Variants in GPRC6A observed in about 807,000 individuals in gnomAD.
GPRC6A encodes the protein G protein-coupled receptor class C group 6 member A.
A neutral mutation model predicts 47.0 loss-of-function variants in GPRC6A; 54 were observed. That is an observed-to-expected ratio of 1.15 (90% CI 0.92 to 1.44). The LOEUF (loss-of-function observed/expected upper bound fraction) is 1.44. Among genes scored for constraint, GPRC6A ranks in the 40% most tolerant of loss-of-function variants. The pLI is 0.00. For missense variants in GPRC6A, 1,112 were observed against 1,105.5 expected (o/e 1.01, Z -0.08); for synonymous variants, 347 against 377.1 (o/e 0.92, Z 0.93).
At chr6:116,796,762 A>T (rs940221349) in intron 4 of GPRC6A, among the ~76,000 whole-genome samples, 4 of 152,162 alleles carry the variant, frequency 2.6e-5, no homozygotes, top group Non-Finnish European at 1.5e-5. Context: ...TCTTCTCTCC[A>T]GTTATTGCTG....
At chr6:116,809,287 A>C in intron 2 of GPRC6A, 27 bp downstream of exon 2, 4 of 1,574,728 alleles carry the variant, frequency 2.5e-6, no homozygotes, top group Non-Finnish European at 3.5e-6. Flanking sequence ...GATCAAAAGC[A>C]ATGTTTGGAG....
intron 3 of GPRC6A, 109 bp downstream of exon 3, chr6:116,806,261 A>C (rs1772832401): frequency 1.4e-6 from 1 of 703,228 alleles, no homozygotes; most frequent in African/African-American, 1.8e-5. Flanking sequence ...TCTATTTATA[A>C]AAGGAATAGG....
At chr6:116,827,757 C>A (rs958452613) in intron 1 of GPRC6A, among the ~76,000 whole-genome samples, 3 of 151,398 alleles carry the variant, frequency 2.0e-5, no homozygotes, top group African/African-American at 7.3e-5. Flanking sequence ...TTTTTTTTTA[C>A]CATTCTCTGG....
chr6:116,806,905 A>T lies in GPRC6A; in HGVS notation c.800T>A (p.Leu267Ter). The change falls in exon 3 of 6, where the codon TTA (leucine) becomes TAA (stop). Residue 267 changes from leucine to a stop codon, truncating the protein, a stop_gained. Transcript: ENST00000310357. LOFTEE classifies it high-confidence loss of function. ...RINRTLKKII[L>*]EAQVNVIVVF... ...CACAATGACATTAACCTGGGCTTCTAAAATGATTTTCTTCAGTGTCCGATT... is the reference window on the plus strand; with the variant it reads ...CACAATGACATTAACCTGGGCTTCTTAAATGATTTTCTTCAGTGTCCGATT... 1 of 1,613,754 alleles carries T rather than the reference A, an allele frequency of 6.2e-7. No homozygotes were observed. Among genetic ancestry groups the T allele is most frequent in the Non-Finnish European group, 8.5e-7 (1 of 1,179,810 alleles).
chr6:116,799,574 C>T (rs770995419), intron 4 of GPRC6A, among the ~76,000 whole-genome samples: 6 of 152,084 alleles, frequency 3.9e-5, no homozygotes, highest in Middle Eastern at 3.4e-3. Flanking sequence ...GAAACAATTT[C>T]GATGGATTGA....
At chr6:116,800,280 C>CCCTT (rs1347650547) in intron 4 of GPRC6A, among the ~76,000 whole-genome samples, 2 of 132,314 alleles carry the variant, frequency 1.5e-5, no homozygotes, top group African/African-American at 2.8e-5. Context: ...CTCCCTCCCT[C>CCCTT]CCTTCCTTCC....
chr6:116,818,343 G>T (rs528171278), intron 1 of GPRC6A, among the ~76,000 whole-genome samples: 2 of 150,040 alleles, frequency 1.3e-5, no homozygotes, highest in East Asian at 3.9e-4. Context: ...GACCATCCCG[G>T]CTAACACGGT....
chr6:116,812,899 C>T (rs377662290), intron 1 of GPRC6A, among the ~76,000 whole-genome samples: 207 of 152,340 alleles, frequency 1.4e-3, no homozygotes, highest in African/African-American at 4.8e-3. Flanking sequence ...TGATAAGCAA[C>T]TTCAGCAAAG....
At position 116,792,491 on chromosome 6, in the gene GPRC6A, G is replaced by A. The variant is rs777781673; in HGVS notation, c.2432C>T (p.Pro811Leu). The A allele has an allele frequency of 1.4e-5, 23 of 1,613,530 alleles. No homozygotes were observed. The highest frequency in any genetic ancestry group is 1.9e-5 in the Non-Finnish European group (22 of 1,179,680). ...TAATATGACAATAATCTCCACAGCT[G>A]GTACATATTTGCCAAATGTGGTAGC... ...IYATTFGKYV[P>L]AVEIIVILIS... The change falls in exon 6 of 6, where the codon CCA (proline) becomes CTA (leucine). Residue 811 changes from proline to leucine, a missense_variant. Physicochemically the swap from Pro to Leu is moderately conservative, Grantham distance 98. Transcript: ENST00000310357.
intron 5 of GPRC6A, among the ~76,000 whole-genome samples, chr6:116,793,687 C>T (rs1772390186): frequency 6.6e-6 from 1 of 152,208 alleles, no homozygotes; most frequent in Admixed American, 6.6e-5. Context: ...TCAGAATCTC[C>T]CATATCTCAA....
intron 1 of GPRC6A, among the ~76,000 whole-genome samples, chr6:116,821,110 T>C (rs1773458499): frequency 2.0e-5 from 3 of 150,704 alleles, no homozygotes; most frequent in Admixed American, 1.3e-4. Context: ...CCATTCACAA[T>C]TGCTTCAAAG....
At chr6:116,809,065 T>C (rs1297952621) in intron 2 of GPRC6A, among the ~76,000 whole-genome samples, 6 of 152,210 alleles carry the variant, frequency 3.9e-5, no homozygotes, top group African/African-American at 1.4e-4. Flanking sequence ...GCCTTTTTGC[T>C]ATTCTTTGGG....
chr6:116,824,815 C>G (rs550504111), intron 1 of GPRC6A, among the ~76,000 whole-genome samples: 1 of 151,948 alleles, frequency 6.6e-6, no homozygotes, highest in South Asian at 2.1e-4. Flanking sequence ...ACCAATATCT[C>G]TGATGAACAT....
intron 4 of GPRC6A, among the ~76,000 whole-genome samples, chr6:116,799,379 G>A (rs1050788230): frequency 1.3e-5 from 2 of 152,170 alleles, no homozygotes; most frequent in African/African-American, 2.4e-5. Flanking sequence ...ATGATTAGAG[G>A]TAGTGTGAAT....
At chr6:116,822,115 C>T (rs1773508742) in intron 1 of GPRC6A, among the ~76,000 whole-genome samples, 1 of 145,708 alleles carries the variant, frequency 6.9e-6, no homozygotes, top group Non-Finnish European at 1.5e-5. Context: ...AAAAAATGCT[C>T]ATCATCACTG....
intron 1 of GPRC6A, among the ~76,000 whole-genome samples, chr6:116,823,353 A>C (rs563036042): frequency 2.0e-5 from 3 of 152,170 alleles, no homozygotes; most frequent in Admixed American, 6.5e-5. Flanking sequence ...GCACAATGCC[A>C]CCAAGTTCTT....
At position 116,792,421 on chromosome 6, in the gene GPRC6A, G is replaced by A. The variant is rs763430536; in HGVS notation, c.2502C>T (p.Cys834=). 1 of 1,613,858 alleles carries A rather than the reference G, an allele frequency of 6.2e-7. No individual in the cohort carries two copies. The highest frequency in any genetic ancestry group is 8.5e-7 in the Non-Finnish European group (1 of 1,179,904). Residue 834 remains cysteine, a synonymous_variant, in exon 6 of 6, where the codon TGC becomes TGT. Coordinates refer to ENST00000310357, the MANE Select transcript of GPRC6A (RefSeq NM_148963.4). The part of the protein sequence containing the change: ...GILYCTFIPK[C]YVIICKQEIN... ...TCTCTTGCTTACAAATAATAACATA[G>A]CATTTGGGGATGAATGTGCAATACA... is the stretch of plus-strand genomic sequence containing the variant.
At chr6:116,822,863 TAAAAAAAAAGAAACAATTACTAGTCTCTA>T (rs1315102000) in intron 1 of GPRC6A, among the ~76,000 whole-genome samples, 5 of 46,666 alleles carry the variant, frequency 1.1e-4, no homozygotes, top group African/African-American at 3.7e-4. Flanking sequence ...AGTATAATAA[TAAAAAAAAAGAAACAATTACTAGTCTCTA>T]AAAAAAAAAA....
Position 116,792,592 on chromosome 6 carries a change from A to G in GPRC6A, c.2331T>C (p.Asn777=). 1 of 1,605,826 alleles carries G rather than the reference A, an allele frequency of 6.2e-7. No homozygotes were observed. Among genetic ancestry groups the G allele is most frequent in the Non-Finnish European group, 8.5e-7 (1 of 1,178,694 alleles). The part of the protein sequence containing the change: ...FIFAFKGKYE[N]YNEAKFITFG... The stretch of plus-strand genomic sequence containing the variant: ...ATGTAATGAATTTGGCTTCATTGTA[A>G]TTCTCATATTTGCCTTTGAAAGCAA... The change falls in exon 6 of 6, where the codon AAT becomes AAC. Residue 777 remains asparagine (N), a synonymous_variant. Coordinates refer to ENST00000310357, the MANE Select transcript of GPRC6A (RefSeq NM_148963.4).
Sources: gnomAD v4.1 joint callset for allele counts (sites outside exome capture counted in the v4.1 genomes callset) on GRCh38, gnomAD v4.1.1 for gene constraint, MANE v1.5 for transcripts, NCBI Gene and HGNC (gene_info 2026-07-23, HGNC 2026-07-21) for gene names.